Variants in RTN1 observed in about 807,000 individuals in gnomAD.
RTN1 encodes the protein reticulon 1, also known as reticulon-1.
A neutral mutation model predicts 65.5 loss-of-function variants in RTN1; 25 were observed. That is an observed-to-expected ratio of 0.38 (90% CI 0.28 to 0.53). The LOEUF is 0.53. Ranked by LOEUF, RTN1 falls within the 20% of genes least tolerant of loss-of-function variation. The probability of loss-of-function intolerance (pLI) is 0.79; values close to 1 mark genes in which losing one functional copy is unlikely to be tolerated. For synonymous variants in RTN1, 471 were observed against 447.6 expected, an observed-to-expected ratio of 1.05 and a Z score of -0.66; for missense variants, 983 against 1,025.4, an observed-to-expected ratio of 0.96 and a Z score of 0.57.
At chr14:59,733,131 G>A (rs1051515741) in intron 2 of RTN1, among the ~76,000 whole-genome samples, 7 of 149,210 alleles carry the variant, frequency 4.7e-5, no homozygotes, top group Admixed American at 1.4e-4. Context: ...TCGCTTTGCC[G>A]CCCAGGCTGG....
At chr14:59,760,229 AAT>A (rs773535376) in intron 1 of RTN1, among the ~76,000 whole-genome samples, 23 of 152,218 alleles carry the variant, frequency 1.5e-4, no homozygotes, top group African/African-American at 3.9e-4. Flanking sequence ...TAAGTTGCAG[AAT>A]ATGTGTGTAT....
intron 3 of RTN1, among the ~76,000 whole-genome samples, chr14:59,661,665 A>C (rs1883250435): frequency 6.6e-6 from 1 of 152,220 alleles, no homozygotes; most frequent in South Asian, 2.1e-4. Context: ...TGATTATTTC[A>C]ATAGATGAAG....
intron 1 of RTN1, among the ~76,000 whole-genome samples, chr14:59,861,880 T>C (rs1483845326): frequency 6.6e-6 from 1 of 152,188 alleles, no homozygotes; most frequent in African/African-American, 2.4e-5. Flanking sequence ...ATTGCCCTGC[T>C]CTCACCGTAT....
chr14:59,843,574 T>C (rs766402872), intron 1 of RTN1, among the ~76,000 whole-genome samples: 4 of 152,232 alleles, frequency 2.6e-5, no homozygotes, highest in Non-Finnish European at 2.9e-5. Flanking sequence ...ATATACCTGT[T>C]ACTAACATCT....
At chr14:59,739,370 G>A (rs144626044) in intron 2 of RTN1, among the ~76,000 whole-genome samples, 6 of 152,122 alleles carry the variant, frequency 3.9e-5, no homozygotes, top group South Asian at 2.1e-4. Context: ...GCGAAACCCC[G>A]TCTCTACTAA....
chr14:59,756,846 T>TG (rs904429107), intron 1 of RTN1, among the ~76,000 whole-genome samples: 5 of 141,174 alleles, frequency 3.5e-5, no homozygotes, highest in Admixed American at 1.4e-4. Context: ...TTTTTGTTTT[T>TG]TTTTTTTTGT....
chr14:59,599,000 G>T (rs1012071075), intron 8 of RTN1, among the ~76,000 whole-genome samples: 2 of 152,062 alleles, frequency 1.3e-5, no homozygotes, highest in African/African-American at 4.8e-5. Context: ...CACAGATATG[G>T]GATGGCCAAT....
intron 1 of RTN1, among the ~76,000 whole-genome samples, chr14:59,793,214 T>A (rs1015444637): frequency 6.6e-6 from 1 of 152,166 alleles, no homozygotes; most frequent in Non-Finnish European, 1.5e-5. Context: ...CATTTTGAAT[T>A]CAATATGTAG....
At chr14:59,843,594 G>C (rs751449209) in intron 1 of RTN1, among the ~76,000 whole-genome samples, 3 of 152,140 alleles carry the variant, frequency 2.0e-5, no homozygotes, top group African/African-American at 7.2e-5. Context: ...TGCTAAGCAC[G>C]TGTAACTGCA....
intron 3 of RTN1, among the ~76,000 whole-genome samples, chr14:59,717,588 G>A (rs1449805657): frequency 6.6e-6 from 1 of 152,124 alleles, no homozygotes; most frequent in Admixed American, 6.5e-5. Context: ...ATACTGTTGG[G>A]GCCTTTGTTC....
intron 3 of RTN1, among the ~76,000 whole-genome samples, chr14:59,610,944 G>C (rs1434361623): frequency 6.6e-6 from 1 of 152,116 alleles, no homozygotes; most frequent in African/African-American, 2.4e-5. Flanking sequence ...CTGAGCACAA[G>C]AAGACTGCTT....
chr14:59,868,454 A>C lies in RTN1; in HGVS notation c.241+1936T>G, dbSNP rs1249466123. Among the ~76,000 whole-genome samples, 1 of 152,234 alleles carries C rather than the reference A, an allele frequency of 6.6e-6. No individual in the cohort carries two copies. The highest frequency in any genetic ancestry group is 2.1e-4 in the South Asian group (1 of 4,836). ...AAAGCAAGGTATTTCTATAATAATA[A>C]TACTAAAAATGCAAAATGCATTGTT... On this transcript the variant is annotated intron_variant, in intron 1 of 8. Coordinates refer to ENST00000267484, the MANE Select transcript of RTN1 (RefSeq NM_021136.3). The surrounding 1 kb of genome is among the most constrained non-coding windows in gnomAD (Gnocchi z 4.0).
At chr14:59,736,795 T>A (rs1225377592) in intron 2 of RTN1, among the ~76,000 whole-genome samples, 1 of 152,160 alleles carries the variant, frequency 6.6e-6, no homozygotes, top group Non-Finnish European at 1.5e-5. Context: ...ACTGGCAAAC[T>A]GAATCCAGCA....
intron 1 of RTN1, among the ~76,000 whole-genome samples, chr14:59,850,335 G>T (rs1050347562): frequency 6.6e-6 from 1 of 152,202 alleles, no homozygotes; most frequent in Non-Finnish European, 1.5e-5. Flanking sequence ...TTAGTCTGCA[G>T]TTAGGAAAAA....
chr14:59,638,650 A>C (rs1882715440), intron 3 of RTN1, among the ~76,000 whole-genome samples: 1 of 152,122 alleles, frequency 6.6e-6, no homozygotes, highest in Non-Finnish European at 1.5e-5. Flanking sequence ...CTTAACTCTC[A>C]TGAACCAACC....
intron 3 of RTN1, among the ~76,000 whole-genome samples, chr14:59,689,120 C>A (rs926285260): frequency 5.9e-5 from 9 of 151,848 alleles, no homozygotes; most frequent in East Asian, 3.9e-4. Flanking sequence ...TTAAAAAAAA[C>A]CAGAACTTCT....
At chr14:59,604,560 T>G (rs10483717) in intron 5 of RTN1, 48,746 of 152,180 alleles carry the variant, frequency 0.32, 8,012 homozygotes, top group Middle Eastern at 0.43. Flanking sequence ...TCTTCAGTCA[T>G]TATATGGCAA....
At chr14:59,747,972 G>A (rs1401136459) in intron 1 of RTN1, among the ~76,000 whole-genome samples, 1 of 152,126 alleles carries the variant, frequency 6.6e-6, no homozygotes, top group Non-Finnish European at 1.5e-5. Context: ...CTATGTGTCA[G>A]GCATTGTTCT....
chr14:59,727,415 C>G lies in RTN1; in HGVS notation c.1269G>C (p.Ala423=), dbSNP rs1594703678. The part of the protein sequence containing the change: ...IELVSEDPMA[A]EDALPSGYVS... ...CATAGCCTGAGGGCAGCGCGTCCTC[C>G]GCGGCCATGGGGTCCTCGGACACCA... is the stretch of plus-strand genomic sequence containing the variant. The change falls in exon 3 of 9, where the codon GCG becomes GCC. Residue 423 remains alanine, a synonymous_variant. Coordinates refer to ENST00000267484, the MANE Select transcript of RTN1 (RefSeq NM_021136.3). The surrounding 1 kb of genome is among the most constrained non-coding windows in gnomAD (Gnocchi z 4.2). 3.9e-6 allele frequency: 6 copies of G among 1,549,710 alleles called. No homozygotes were observed. Among genetic ancestry groups the G allele is most frequent in the Non-Finnish European group, 5.2e-6 (6 of 1,147,670 alleles).
Sources: allele counts gnomAD v4.1 joint callset (sites outside exome capture counted in the v4.1 genomes callset), GRCh38; gene constraint gnomAD v4.1.1; non-coding constraint Gnocchi (gnomAD v3.1); transcripts MANE v1.5; gene names NCBI Gene and HGNC (gene_info 2026-07-23, HGNC 2026-07-21).